The following DNAJC1 variants were observed in gnomAD, a reference collection of about 807,000 sequenced individuals.
DNAJC1 encodes DnaJ heat shock protein family (Hsp40) member C1.
In DNAJC1, 58 loss-of-function variants were observed where a neutral mutation model predicts 76.6. The observed-to-expected ratio is 0.76, with a 90% CI of 0.61 to 0.94. The LOEUF is 0.94. Among genes scored for constraint, DNAJC1 ranks in the 40% least tolerant of loss-of-function variants. The probability of loss-of-function intolerance (pLI) is 0.00; values close to 1 mark genes in which losing one functional copy is unlikely to be tolerated. For synonymous variants in DNAJC1, 258 were observed against 267.9 expected (o/e 0.96, Z 0.36); for missense variants, 689 against 677.3 (o/e 1.02, Z -0.19).
intron 7 of DNAJC1, among the ~76,000 whole-genome samples, chr10:21,886,904 G>T: frequency 6.6e-6 from 1 of 152,130 alleles, no homozygotes; most frequent in Admixed American, 6.6e-5. Flanking sequence ...AATTAGGCAA[G>T]AGAAAGAAAT....
At chr10:21,851,797 G>A (rs922791995) in intron 8 of DNAJC1, among the ~76,000 whole-genome samples, 4 of 152,110 alleles carry the variant, frequency 2.6e-5, no homozygotes, top group African/African-American at 7.2e-5. Flanking sequence ...GTTCATGCCT[G>A]TAATCCCAGC....
At chr10:21,792,757 TCAA>T (rs1834707100) in intron 9 of DNAJC1, among the ~76,000 whole-genome samples, 1 of 87,594 alleles carries the variant, frequency 1.1e-5, no homozygotes, top group African/African-American at 5.6e-5. Context: ...AGACAACACC[TCAA>T]AAAAAAAAAA....
At chr10:21,805,892 T>C (rs183180306) in intron 9 of DNAJC1, 88 bp downstream of exon 9, 10 of 1,541,798 alleles carry the variant, frequency 6.5e-6, no homozygotes, top group African/African-American at 2.7e-5. Context: ...TCCCCAAAGA[T>C]ACTGTGGAAC....
intron 8 of DNAJC1, among the ~76,000 whole-genome samples, chr10:21,844,932 G>C (rs1177889091): frequency 2.0e-5 from 3 of 152,150 alleles, no homozygotes; most frequent in African/African-American, 7.2e-5. Context: ...CAGGAGGCTG[G>C]AGCAGGAGGA....
intron 8 of DNAJC1, among the ~76,000 whole-genome samples, chr10:21,866,907 CAT>C (rs1419440751): frequency 1.3e-5 from 2 of 152,010 alleles, no homozygotes; most frequent in African/African-American, 4.8e-5. Context: ...GAAACAGACT[CAT>C]AAAGAATCAA....
At chr10:21,931,541 CTT>C (rs913287960) in intron 1 of DNAJC1, among the ~76,000 whole-genome samples, 6 of 152,148 alleles carry the variant, frequency 3.9e-5, no homozygotes, top group African/African-American at 1.4e-4. Flanking sequence ...AATCAGATCT[CTT>C]TATTTTGGCT....
intron 9 of DNAJC1, among the ~76,000 whole-genome samples, chr10:21,775,121 T>G (rs946823446): frequency 3.3e-5 from 5 of 152,290 alleles, no homozygotes; most frequent in African/African-American, 1.2e-4. Flanking sequence ...ATGGAAACGA[T>G]GTGATGTCGC....
intron 8 of DNAJC1, among the ~76,000 whole-genome samples, chr10:21,813,157 TCTCTCTCTCTCTCTCTCC>T (rs1339097100): frequency 1.1e-3 from 90 of 83,074 alleles, no homozygotes; most frequent in Middle Eastern, 5.7e-3. Context: ...CTTGTCTCTC[TCTCTCTCTCTCTCTCTCC>T]CTCTCTCTCT....
At chr10:21,894,195 TTCAGGC>T (rs1410899987) in intron 7 of DNAJC1, among the ~76,000 whole-genome samples, 1 of 152,162 alleles carries the variant, frequency 6.6e-6, no homozygotes, top group Non-Finnish European at 1.5e-5. Flanking sequence ...GAAAGAAATA[TTCAGGC>T]TCAGATGATC....
chr10:21,830,337 T>C (rs1187170625), intron 8 of DNAJC1, among the ~76,000 whole-genome samples: 1 of 152,214 alleles, frequency 6.6e-6, no homozygotes, highest in Non-Finnish European at 1.5e-5. Flanking sequence ...CTTTATTTTA[T>C]TCCTACTTTC....
At chr10:21,764,796 G>A (rs1038407331) in intron 10 of DNAJC1, among the ~76,000 whole-genome samples, 4 of 152,106 alleles carry the variant, frequency 2.6e-5, no homozygotes, top group African/African-American at 4.8e-5. Context: ...AGACCTTATG[G>A]TGCTTTTAGA....
chr10:21,885,639 A>G (rs1272665874), intron 7 of DNAJC1, among the ~76,000 whole-genome samples: 1 of 152,106 alleles, frequency 6.6e-6, no homozygotes, highest in Non-Finnish European at 1.5e-5. Flanking sequence ...TATTAAACAC[A>G]CTCTCAAACC....
chr10:21,825,815 G>T (rs545359869), intron 8 of DNAJC1, among the ~76,000 whole-genome samples: 3 of 152,170 alleles, frequency 2.0e-5, no homozygotes, highest in African/African-American at 7.2e-5. Context: ...CTGAACATGA[G>T]TAAATCTTCT....
At position 22,003,197 on chromosome 10, in the gene DNAJC1, G is replaced by C; in HGVS notation, c.222+16C>G. On this transcript the variant is annotated intron_variant, in intron 1 of 11. Transcript: ENST00000376980. ...CTGGCCCCTCTCCGCCCGGCCCCGC[G>C]CGCCTCCTTGCTTACCTGCTGCACC... 1 of 1,526,914 alleles carries C rather than the reference G, an allele frequency of 6.5e-7. No individual in the cohort carries two copies. Among genetic ancestry groups the C allele is most frequent in the Non-Finnish European group, 8.8e-7 (1 of 1,136,734 alleles). 94.6% of individuals were successfully genotyped at this position (1,526,914 alleles called of 1,614,324 possible).
At chr10:21,864,776 T>C (rs1263996563) in intron 8 of DNAJC1, among the ~76,000 whole-genome samples, 1 of 152,066 alleles carries the variant, frequency 6.6e-6, no homozygotes, top group Admixed American at 6.5e-5. Flanking sequence ...ACTCTTCAAA[T>C]GATACTTTTA....
chr10:21,932,678 C>T (rs1471578460), intron 1 of DNAJC1, among the ~76,000 whole-genome samples: 4 of 152,222 alleles, frequency 2.6e-5, no homozygotes, highest in African/African-American at 9.6e-5. Context: ...GTTTTGACCT[C>T]TCTGTTGGCT....
In DNAJC1 at chr10:21,908,270, TTA is replaced by T. The variant is rs796675388; in HGVS notation, c.730-3660_730-3659del. Among the ~76,000 whole-genome samples the T allele has an allele frequency of 9.0e-5, 10 of 111,602 alleles. 2 individuals carry two copies. Among genetic ancestry groups the T allele is most frequent in the East Asian group, 5.1e-4 (2 of 3,946 alleles). 73.2% of individuals were successfully genotyped at this position (111,602 alleles called of 152,430 possible). On this transcript the variant is annotated intron_variant, in intron 6 of 11. Transcript: ENST00000376980. ...TATAGAGAAAATATATATATATATT[TTA>T]TATATATATATATATAAGAATTTCC...
intron 6 of DNAJC1, among the ~76,000 whole-genome samples, chr10:21,915,073 C>T (rs545145923): frequency 4.6e-5 from 7 of 152,314 alleles, no homozygotes; most frequent in African/African-American, 1.4e-4. Context: ...TTCTGATATA[C>T]ATTTAATATC....
chr10:21,773,869 C>T (rs1322902257), intron 9 of DNAJC1, among the ~76,000 whole-genome samples: 5 of 150,760 alleles, frequency 3.3e-5, no homozygotes, highest in Non-Finnish European at 4.4e-5. Flanking sequence ...GGGCCGGGCG[C>T]GGTGGCTCAC....
Sources: allele counts gnomAD v4.1 joint callset (sites outside exome capture counted in the v4.1 genomes callset), GRCh38; gene constraint gnomAD v4.1.1; transcripts MANE v1.5; gene names NCBI Gene and HGNC (gene_info 2026-07-23, HGNC 2026-07-21).